Variants in KCNH7 observed in about 807,000 individuals in gnomAD.
KCNH7 encodes voltage-gated inwardly rectifying potassium channel KCNH7.
In KCNH7, 49 loss-of-function variants were observed where a neutral mutation model predicts 120.8. The ratio of observed to expected loss-of-function variants is 0.41; its 90% CI spans 0.32 to 0.51. KCNH7 has a LOEUF of 0.51. Ranked by LOEUF, KCNH7 falls within the 20% of genes least tolerant of loss-of-function variation. The pLI is 0.38. For synonymous variants in KCNH7, 547 were observed against 516.1 expected (o/e 1.06, Z -0.81); for missense variants, 1,097 against 1,446.6 (o/e 0.76, Z 3.92).
At chr2:162,770,965 A>C (rs987618705) in intron 2 of KCNH7, among the ~76,000 whole-genome samples, 1 of 152,128 alleles carries the variant, frequency 6.6e-6, no homozygotes, top group Non-Finnish European at 1.5e-5. Context: ...CAAAAATCTT[A>C]GACTTGCCTT....
At chr2:162,545,585 T>A (rs866391589) in intron 2 of KCNH7, among the ~76,000 whole-genome samples, 3 of 152,176 alleles carry the variant, frequency 2.0e-5, no homozygotes, top group South Asian at 2.1e-4. Context: ...ATCTCAGGAA[T>A]CTAGTTAAAA....
intron 2 of KCNH7, among the ~76,000 whole-genome samples, chr2:162,734,776 C>T (rs957508637): frequency 6.6e-6 from 1 of 151,734 alleles, no homozygotes; most frequent in African/African-American, 2.4e-5. Context: ...GAAGTTTATA[C>T]CATAAAGCAT....
chr2:162,409,656 C>T (rs1573924743), intron 9 of KCNH7, among the ~76,000 whole-genome samples: 1 of 151,822 alleles, frequency 6.6e-6, no homozygotes, highest in Non-Finnish European at 1.5e-5. Context: ...TCTTTGCAGA[C>T]GATATGATTC....
At chr2:162,506,543 G>A (rs986593653) in intron 5 of KCNH7, among the ~76,000 whole-genome samples, 1 of 151,778 alleles carries the variant, frequency 6.6e-6, no homozygotes, top group African/African-American at 2.4e-5. Context: ...ATACTATTAA[G>A]AGATTATAGA....
At chr2:162,530,516 G>T (rs1394850453) in intron 3 of KCNH7, among the ~76,000 whole-genome samples, 1 of 151,906 alleles carries the variant, frequency 6.6e-6, no homozygotes, top group Non-Finnish European at 1.5e-5. Flanking sequence ...TTTAGTGAGA[G>T]AGTAAGCATT....
chr2:162,541,252 G>C (rs570075518), intron 2 of KCNH7, among the ~76,000 whole-genome samples: 1 of 152,060 alleles, frequency 6.6e-6, no homozygotes, highest in South Asian at 2.1e-4. Flanking sequence ...AATGGATTAC[G>C]TATAAGGACT....
chr2:162,628,538 G>T (rs1004571953), intron 2 of KCNH7, among the ~76,000 whole-genome samples: 1 of 151,942 alleles, frequency 6.6e-6, no homozygotes, highest in East Asian at 1.9e-4. Flanking sequence ...ATTTCATCAC[G>T]CAGGTATTAA....
intron 2 of KCNH7, among the ~76,000 whole-genome samples, chr2:162,611,727 T>G (rs1225243152): frequency 2.0e-5 from 3 of 152,164 alleles, no homozygotes; most frequent in Admixed American, 6.6e-5. Flanking sequence ...CAATTTTACC[T>G]CACAATGTAC....
At chr2:162,822,565 C>G (rs1012248741) in intron 2 of KCNH7, among the ~76,000 whole-genome samples, 3 of 152,108 alleles carry the variant, frequency 2.0e-5, no homozygotes. Flanking sequence ...CCCTTTCAAA[C>G]AGGTAAGGAA....
chr2:162,827,756 A>G (rs2105608828), intron 2 of KCNH7, among the ~76,000 whole-genome samples: 1 of 152,270 alleles, frequency 6.6e-6, no homozygotes, highest in Non-Finnish European at 1.5e-5. Context: ...TGTAAATTGT[A>G]AACCACATTT....
intron 2 of KCNH7, chr2:162,769,010 C>G (rs1682936045): frequency 6.6e-6 from 1 of 152,154 alleles, no homozygotes; most frequent in Non-Finnish European, 1.5e-5. Context: ...AAAGAAGCAC[C>G]ACTCTGACAT....
intron 2 of KCNH7, among the ~76,000 whole-genome samples, chr2:162,687,257 T>C (rs936375314): frequency 1.3e-5 from 2 of 152,120 alleles, no homozygotes; most frequent in Non-Finnish European, 2.9e-5. Context: ...TCAGTAACAA[T>C]GGCCTGCTGG....
chr2:162,614,325 T>C (rs1474761344), intron 2 of KCNH7, among the ~76,000 whole-genome samples: 4 of 151,996 alleles, frequency 2.6e-5, no homozygotes, highest in Admixed American at 1.3e-4. Flanking sequence ...TAACTAACCA[T>C]TGAGAGATTT....
rs71009359 is a variant in KCNH7, at chr2:162,479,673, A to ATGTGTG, written c.1128+24764_1128+24769dup. On this transcript the variant is annotated intron_variant, in intron 6 of 15. Transcript: ENST00000332142. ...ATTAGGAAATTGTGTGTGTGTGTGC[A>ATGTGTG]TGTGTGTGTGTGTGTGTGTGTGTGT... 9.8e-3 allele frequency among the ~76,000 whole-genome samples: 1,431 copies of ATGTGTG among 145,290 alleles called. 23 individuals carry two copies. The highest frequency in any genetic ancestry group is 0.031 in the African/African-American group (1,222 of 39,520).
chr2:162,461,539 T>C (rs1251451115), intron 6 of KCNH7, among the ~76,000 whole-genome samples: 2 of 152,246 alleles, frequency 1.3e-5, no homozygotes, highest in African/African-American at 2.4e-5. Flanking sequence ...ATTATAGTTA[T>C]TGAATGAACC....
At chr2:162,806,505 T>C (rs1684542631) in intron 2 of KCNH7, among the ~76,000 whole-genome samples, 1 of 152,172 alleles carries the variant, frequency 6.6e-6, no homozygotes, top group Admixed American at 6.5e-5. Flanking sequence ...AATTTCTGGG[T>C]AGAGAGCAGG....
chr2:162,661,567 C>A (rs151054753), intron 2 of KCNH7, among the ~76,000 whole-genome samples: 230 of 152,102 alleles, frequency 1.5e-3, no homozygotes, highest in African/African-American at 5.2e-3. Context: ...TAAACGTTTC[C>A]CTATATCCAA....
At chr2:162,485,281 T>C (rs1415778802) in intron 6 of KCNH7, among the ~76,000 whole-genome samples, 1 of 152,184 alleles carries the variant, frequency 6.6e-6, no homozygotes, top group Non-Finnish European at 1.5e-5. Context: ...TTAAAATTAC[T>C]AATCAGAAGT....
chr2:162,435,397 G>T lies in KCNH7; in HGVS notation c.1755C>A (p.Ile585=). The stretch of plus-strand genomic sequence containing the variant: ...GCTGTCCTAAGGAATCCAACCATCC[G>T]ATTTTGTCAGTCAGGTAAGGCCTTT... The part of the protein sequence containing the change: ...NVERPYLTDK[I]GWLDSLGQQI... Residue 585 remains isoleucine, a synonymous_variant, in exon 8 of 16, where the codon ATC becomes ATA. Coordinates refer to ENST00000332142, the MANE Select transcript of KCNH7 (RefSeq NM_033272.4). The T allele has an allele frequency of 1.9e-6, 3 of 1,613,768 alleles. No homozygotes were observed. The highest frequency in any genetic ancestry group is 3.3e-5 in the Admixed American group (2 of 59,902).
Sources: gnomAD v4.1 joint callset for allele counts (sites outside exome capture counted in the v4.1 genomes callset) on GRCh38, gnomAD v4.1.1 for gene constraint, MANE v1.5 for transcripts, NCBI Gene and HGNC (gene_info 2026-07-23, HGNC 2026-07-21) for gene names.